CCDC171: variants seen among roughly 807,000 people sequenced by gnomAD.
The protein encoded by CCDC171 is coiled-coil domain containing 171.
CCDC171 carries 177 observed loss-of-function variants against 168.2 expected under a neutral mutation model. The ratio of observed to expected loss-of-function variants is 1.05; its 90% CI spans 0.93 to 1.19. CCDC171 has a LOEUF of 1.19. Ranked by LOEUF, CCDC171 falls within the 50% of genes most tolerant of loss-of-function variation. The probability of loss-of-function intolerance (pLI) is 0.00; values close to 1 mark genes in which losing one functional copy is unlikely to be tolerated. For missense variants in CCDC171, 1,991 were observed against 1,539.0 expected, an observed-to-expected ratio of 1.29 and a Z score of -4.91; for synonymous variants, 687 against 540.8, an observed-to-expected ratio of 1.27 and a Z score of -3.75.
intron 11 of CCDC171, among the ~76,000 whole-genome samples, chr9:15,715,200 G>C (rs2052990341): frequency 6.6e-6 from 1 of 152,112 alleles, no homozygotes; most frequent in Non-Finnish European, 1.5e-5. Flanking sequence ...AGTGTTTTTT[G>C]AATTCTCCCA....
At chr9:16,098,875 C>T in the CCDC171 span, among the ~76,000 whole-genome samples, 59 of 152,282 alleles carry the variant, frequency 3.9e-4, no homozygotes, top group East Asian at 0.011. Context: ...GTGCTGTGCA[C>T]ATATGTGGGC....
intron 18 of CCDC171, among the ~76,000 whole-genome samples, chr9:15,766,210 T>C (rs972044364): frequency 6.6e-6 from 1 of 152,118 alleles, no homozygotes; most frequent in Non-Finnish European, 1.5e-5. Context: ...CTGTAGTGCA[T>C]ATGAAGCTCC....
chr9:15,944,425 A>C (rs1266747621), intron 25 of CCDC171, among the ~76,000 whole-genome samples: 6 of 152,046 alleles, frequency 3.9e-5, no homozygotes, highest in Admixed American at 6.6e-5. Context: ...AAGGATGGGG[A>C]GGAGGAGAAG....
At chr9:15,968,039 C>T (rs116967531) in intron 25 of CCDC171, among the ~76,000 whole-genome samples, 104 of 152,064 alleles carry the variant, frequency 6.8e-4, no homozygotes, top group East Asian at 3.9e-3. Flanking sequence ...TGAATGTGTC[C>T]AATTACTGTA....
chr9:15,990,289 G>T (rs550499745), intron 3 of CCDC171, among the ~76,000 whole-genome samples: 10 of 148,016 alleles, frequency 6.8e-5, no homozygotes, highest in African/African-American at 1.9e-4. Context: ...ATTCTTAAAA[G>T]AATTTTCAAC....
At position 15,924,926 on chromosome 9, in the gene CCDC171, A is replaced by G. The variant is rs143607265; in HGVS notation, c.3753+4504A>G. Among the ~76,000 whole-genome samples, 938 of 151,520 alleles carry G rather than the reference A, an allele frequency of 6.2e-3. 7 individuals carry two copies. The highest frequency in any genetic ancestry group is 9.1e-3 in the Non-Finnish European group (618 of 67,666). ...CTCATCTCCTTTGTTTCACATGTCT[A>G]CTTTTCCTTTGTTGACTCCCAGGCC... On this transcript the variant is annotated intron_variant, in intron 25 of 25. Coordinates refer to ENST00000380701, the MANE Select transcript of CCDC171 (RefSeq NM_173550.4).
At chr9:15,797,396 T>G (rs2058611424) in intron 21 of CCDC171, among the ~76,000 whole-genome samples, 1 of 152,006 alleles carries the variant, frequency 6.6e-6, no homozygotes, top group Non-Finnish European at 1.5e-5. Context: ...TTGTATTTTT[T>G]GTAGAGACGG....
chr9:15,716,396 T>G (rs2053089578), intron 11 of CCDC171, among the ~76,000 whole-genome samples: 1 of 152,158 alleles, frequency 6.6e-6, no homozygotes, highest in African/African-American at 2.4e-5. Flanking sequence ...CATACTGCAG[T>G]GATTAAAAGA....
chr9:15,877,775 T>C (rs1818054709), intron 24 of CCDC171, among the ~76,000 whole-genome samples: 1 of 152,160 alleles, frequency 6.6e-6, no homozygotes, highest in Admixed American at 6.6e-5. Flanking sequence ...ACTTATACTT[T>C]ATAAAGATAA....
intron 3 of CCDC171, among the ~76,000 whole-genome samples, chr9:15,996,686 C>T (rs1411855101): frequency 1.3e-5 from 2 of 152,016 alleles, no homozygotes; most frequent in Non-Finnish European, 2.9e-5. Flanking sequence ...TATCTATGGA[C>T]ATGTATGTCA....
At chr9:15,667,986 A>C (rs1286653645) in intron 9 of CCDC171, among the ~76,000 whole-genome samples, 1 of 152,194 alleles carries the variant, frequency 6.6e-6, no homozygotes, top group Non-Finnish European at 1.5e-5. Context: ...AATATTATTC[A>C]AATATGTATT....
chr9:15,568,427 C>T (rs558599098), intron 2 of CCDC171, among the ~76,000 whole-genome samples: 6 of 131,214 alleles, frequency 4.6e-5, no homozygotes, highest in South Asian at 2.8e-4. Flanking sequence ...CCCGCCACCA[C>T]GCCTGGAGAA....
At chr9:15,590,084 C>A (rs79177604) in intron 4 of CCDC171, among the ~76,000 whole-genome samples, 3 of 151,960 alleles carry the variant, frequency 2.0e-5, no homozygotes, top group Non-Finnish European at 2.9e-5. Flanking sequence ...AAAGCTTTCA[C>A]GAGAAAAGAA....
At chr9:15,941,383 A>C (rs1827716402) in intron 25 of CCDC171, among the ~76,000 whole-genome samples, 1 of 151,950 alleles carries the variant, frequency 6.6e-6, no homozygotes, top group East Asian at 1.9e-4. Context: ...AACCATTTTC[A>C]GTTTAAACTT....
chr9:15,755,740 A>T (rs896470201), intron 18 of CCDC171, among the ~76,000 whole-genome samples: 1 of 152,192 alleles, frequency 6.6e-6, no homozygotes, highest in African/African-American at 2.4e-5. Context: ...AAATGTCCAG[A>T]GTAGACACAT....
chr9:15,561,869 C>G (rs2039329605), intron 1 of CCDC171, among the ~76,000 whole-genome samples: 1 of 152,074 alleles, frequency 6.6e-6, no homozygotes, highest in South Asian at 2.1e-4. Flanking sequence ...ACAGGCAGAG[C>G]TGGTGTGGAA....
intron 21 of CCDC171, among the ~76,000 whole-genome samples, chr9:15,822,246 G>A (rs1247321388): frequency 6.6e-6 from 1 of 152,076 alleles, no homozygotes; most frequent in South Asian, 2.1e-4. Context: ...GAAAACCTAG[G>A]CAATACCATT....
At chr9:15,839,087 TTCA>T (rs2060568482) in intron 21 of CCDC171, among the ~76,000 whole-genome samples, 1 of 152,208 alleles carries the variant, frequency 6.6e-6, no homozygotes, top group Non-Finnish European at 1.5e-5. Context: ...TGCTGTACAA[TTCA>T]TCATTTCTTT....
intron 21 of CCDC171, among the ~76,000 whole-genome samples, chr9:15,824,720 G>T (rs1213180087): frequency 2.0e-5 from 3 of 152,060 alleles, no homozygotes; most frequent in African/African-American, 7.2e-5. Context: ...TTTGAATAAT[G>T]TGGTACCTTT....
Sources: allele counts gnomAD v4.1 joint callset (sites outside exome capture counted in the v4.1 genomes callset), GRCh38; gene constraint gnomAD v4.1.1; transcripts MANE v1.5; gene names NCBI Gene and HGNC (gene_info 2026-07-23, HGNC 2026-07-21).